ELL: variants seen among roughly 807,000 people sequenced by gnomAD.
ELL encodes RNA polymerase II elongation factor ELL.
In ELL, 18 loss-of-function variants were observed where a neutral mutation model predicts 64.0. The observed-to-expected ratio is 0.28, with a 90% CI of 0.19 to 0.42. The LOEUF (loss-of-function observed/expected upper bound fraction) is 0.42. Ranked by LOEUF, ELL falls within the 10% of genes least tolerant of loss-of-function variation. The pLI, the probability that ELL is intolerant of heterozygous loss-of-function variation, is 1.00. For missense variants in ELL, 797 were observed against 870.4 expected, an observed-to-expected ratio of 0.92 and a Z score of 1.06; for synonymous variants, 399 against 376.2, an observed-to-expected ratio of 1.06 and a Z score of -0.70.
In ELL at chr19:18,450,697, C is replaced by T. The variant is rs1200500672; in HGVS notation, c.1245G>A (p.Glu415=). The T allele has an allele frequency of 1.3e-6, 2 of 1,585,138 alleles. No homozygotes were observed. The highest frequency in any genetic ancestry group is 2.3e-5 in the South Asian group (2 of 88,400). ...GCACAGTGGGGGCTGGGGCAGCCGC[C>T]TCTCCGTGCTCACAGTCTCGGCCGC... is the stretch of plus-strand genomic sequence containing the variant. The part of the protein sequence containing the change: ...GHSGRDCEHG[E]AAAPAPTVRL... Residue 415 remains glutamate (E), a synonymous_variant, in exon 8 of 12, where the codon GAG becomes GAA. Transcript: ENST00000262809.
At chr19:18,460,741 C>T (rs1160273828) in intron 5 of ELL, among the ~76,000 whole-genome samples, 1 of 152,240 alleles carries the variant, frequency 6.6e-6, no homozygotes, top group Non-Finnish European at 1.5e-5. Flanking sequence ...CACCTGTGTT[C>T]CTGAGGTGCT....
chr19:18,515,792 T>A (rs1048155225), intron 1 of ELL, among the ~76,000 whole-genome samples: 2 of 152,098 alleles, frequency 1.3e-5, no homozygotes. Flanking sequence ...CCCTGCAACC[T>A]CAAAAGATAG....
intron 1 of ELL, among the ~76,000 whole-genome samples, chr19:18,513,036 C>G (rs562078222): frequency 3.9e-5 from 6 of 152,344 alleles, no homozygotes; most frequent in African/African-American, 7.2e-5. Flanking sequence ...AGGGTATATA[C>G]TTGCGGTCTC....
In ELL at chr19:18,449,725, G is replaced by A. The variant is rs1403149513; in HGVS notation, c.1465+752C>T. Among the ~76,000 whole-genome samples, 1 of 152,184 alleles carries A rather than the reference G, an allele frequency of 6.6e-6. No individual in the cohort carries two copies. The highest frequency in any genetic ancestry group is 1.9e-4 in the East Asian group (1 of 5,184). On this transcript the variant is annotated intron_variant, in intron 8 of 11. Transcript: ENST00000262809. The surrounding 1 kb of genome is among the most constrained non-coding windows in gnomAD (Gnocchi z 4.4). ...TGGCCATCTGCAACTGGCCGCCATC[G>A]CCACATGGGACCACTGCAGCCCCTG... is the stretch of plus-strand genomic sequence containing the variant.
chr19:18,465,570 C>G lies in ELL; in HGVS notation c.311G>C (p.Gly104Ala). 6.3e-7 allele frequency: 1 copy of G among 1,590,688 alleles called. No individual in the cohort carries two copies. The highest frequency in any genetic ancestry group is 8.6e-7 in the Non-Finnish European group (1 of 1,162,736). Residue 104 changes from glycine to alanine, a missense_variant, in exon 4 of 12, where the codon GGG becomes GCG. By Grantham distance (60) the Gly-to-Ala change is moderately conservative. Coordinates refer to ENST00000262809, the MANE Select transcript of ELL (RefSeq NM_006532.4). ...DCIQQYVSSHGEVHLDCLGSI... is the reference protein window; with the variant it reads ...DCIQQYVSSHAEVHLDCLGSI... ...GCCCAGGCAGTCCAGGTGAACTTCC[C>G]CATGACTGCAAGACAAGGCCAGGAG...
chr19:18,444,985 G>A, intron 11 of ELL, 117 bp from the exon 12 acceptor site: 1 of 1,230,968 alleles, frequency 8.1e-7, no homozygotes, highest in Non-Finnish European at 1.1e-6. Flanking sequence ...AGCAAGGAGG[G>A]TTGTGGTCCA....
At chr19:18,497,735 T>C (rs1975688775) in intron 1 of ELL, among the ~76,000 whole-genome samples, 1 of 137,860 alleles carries the variant, frequency 7.3e-6, no homozygotes, top group Non-Finnish European at 1.5e-5. Flanking sequence ...GAGGATCACC[T>C]AAGCCTAGGA....
chr19:18,463,805 C>T (rs991860260), intron 4 of ELL, among the ~76,000 whole-genome samples: 1 of 151,576 alleles, frequency 6.6e-6, no homozygotes, highest in Non-Finnish European at 1.5e-5. Flanking sequence ...GGTGAAACCC[C>T]GTCTCTATTA....
At chr19:18,477,132 G>A (rs555953560) in intron 1 of ELL, among the ~76,000 whole-genome samples, 5 of 152,312 alleles carry the variant, frequency 3.3e-5, no homozygotes, top group African/African-American at 1.2e-4. Flanking sequence ...CAAGCCTAAA[G>A]GAAAACAGCT....
At chr19:18,451,529 C>A (rs774091124) in intron 7 of ELL, 23 bp downstream of exon 7, 1 of 1,463,398 alleles carries the variant, frequency 6.8e-7, no homozygotes, top group Non-Finnish European at 9.0e-7. Flanking sequence ...TTGGGACAGT[C>A]ACCCCAGGCA....
Position 18,451,561 on chromosome 19 carries a change from C to A in ELL, c.957G>T (p.Ser319=). Reference sequence around the variant, plus strand: ...GGCATGCCTCACTTACCTGTGGGGGCGAGGCCGAGCGCCCACGCTCGCCTG... The same window carrying A: ...GGCATGCCTCACTTACCTGTGGGGGAGAGGCCGAGCGCCCACGCTCGCCTG... ...SPPGERGRSA[S]PPQKRLQPPD... Residue 319 remains serine, a synonymous_variant, in exon 7 of 12, where the codon TCG becomes TCT. Coordinates refer to ENST00000262809, the MANE Select transcript of ELL (RefSeq NM_006532.4). 1.3e-6 allele frequency: 2 copies of A among 1,486,110 alleles called. No individual in the cohort carries two copies. The highest frequency in any genetic ancestry group is 1.3e-5 in the South Asian group (1 of 77,616). 92.1% of individuals were successfully genotyped at this position (1,486,110 alleles called of 1,614,324 possible). A position where few individuals can be genotyped will look rare whatever the true frequency, so the allele number is the denominator to read the frequency against.
At chr19:18,469,883 G>A (rs1227970376) in intron 2 of ELL, among the ~76,000 whole-genome samples, 2 of 152,240 alleles carry the variant, frequency 1.3e-5, no homozygotes, top group African/African-American at 4.8e-5. Context: ...ACAGGAGCTT[G>A]GGCGATGCTG....
intron 1 of ELL, among the ~76,000 whole-genome samples, chr19:18,492,095 T>C (rs776387089): frequency 1.2e-4 from 18 of 152,154 alleles, no homozygotes; most frequent in Non-Finnish European, 2.4e-4. Context: ...TGGCTTTTTG[T>C]ACTGGCTCCT....
chr19:18,521,974 C>T lies in ELL; in HGVS notation c.82G>A (p.Val28Met), dbSNP rs768444868. The T allele has an allele frequency of 6.2e-7, 1 of 1,611,284 alleles. No individual in the cohort carries two copies. Among genetic ancestry groups the T allele is most frequent in the Admixed American group, 1.7e-5 (1 of 59,922 alleles). The change falls in exon 1 of 12, where the codon GTG becomes ATG. Residue 28 changes from valine to methionine, a missense_variant. Physicochemically the swap from Val to Met is conservative, Grantham distance 21. Coordinates refer to ENST00000262809, the MANE Select transcript of ELL (RefSeq NM_006532.4). ...SDGSKVSVFH[V>M]KLTDSALRAF... ...CTCAGGGCACTGTCGGTGAGCTTCACGTGGAACACCGACACCTTGCTGCCG... is the reference window on the plus strand; with the variant it reads ...CTCAGGGCACTGTCGGTGAGCTTCATGTGGAACACCGACACCTTGCTGCCG...
chr19:18,479,177 G>A (rs1975239523), intron 1 of ELL, among the ~76,000 whole-genome samples: 1 of 152,178 alleles, frequency 6.6e-6, no homozygotes, highest in African/African-American at 2.4e-5. Flanking sequence ...CACTGAGGGC[G>A]GGGACAGTCC....
intron 1 of ELL, among the ~76,000 whole-genome samples, chr19:18,485,834 A>G (rs1339857810): frequency 1.3e-5 from 2 of 152,024 alleles, no homozygotes; most frequent in East Asian, 3.9e-4. Flanking sequence ...AAAATACAAA[A>G]AATTAGCCGG....
rs561494297 is a variant in ELL, at chr19:18,518,182, T to C, written c.135+3739A>G. On this transcript the variant is annotated intron_variant, in intron 1 of 11. Coordinates refer to ENST00000262809, the MANE Select transcript of ELL (RefSeq NM_006532.4). ...CAGCCTAGCAACAAGAGTGAAACTC[T>C]GTCTCAAAAAACAACAACAACAACA... 4.8e-5 allele frequency among the ~76,000 whole-genome samples: 7 copies of C among 145,354 alleles called. No individual in the cohort carries two copies. The East Asian group carries it at 1.5e-3, about 30-fold the overall frequency.
chr19:18,446,295 C>CG lies in ELL; in HGVS notation c.1704+13dup, dbSNP rs772366811. 154 of 1,555,020 alleles carry CG rather than the reference C, an allele frequency of 9.9e-5. No individual in the cohort carries two copies. Among genetic ancestry groups the CG allele is most frequent in the Middle Eastern group, 1.8e-4 (1 of 5,646 alleles). On this transcript the variant is annotated intron_variant, in intron 10 of 11. Coordinates refer to ENST00000262809, the MANE Select transcript of ELL (RefSeq NM_006532.4). ...GCCAGAGCCAGGGCACAGTAGGCAGCGGGGGGGCTCTACCTCATACTCCTC... is the reference window on the plus strand; with the variant it reads ...GCCAGAGCCAGGGCACAGTAGGCAGCGGGGGGGGCTCTACCTCATACTCCTC...
At chr19:18,505,218 G>T (rs1471997762) in intron 1 of ELL, among the ~76,000 whole-genome samples, 1 of 152,126 alleles carries the variant, frequency 6.6e-6, no homozygotes, top group African/African-American at 2.4e-5. Flanking sequence ...CCTCTCCTCT[G>T]TGGTGTGCTT....
Sources: gnomAD v4.1 joint callset for allele counts (sites outside exome capture counted in the v4.1 genomes callset) on GRCh38, gnomAD v4.1.1 for gene constraint, Gnocchi (gnomAD v3.1) non-coding constraint, MANE v1.5 for transcripts, NCBI Gene and HGNC (gene_info 2026-07-23, HGNC 2026-07-21) for gene names.